ATP8A2: variants seen among roughly 807,000 people sequenced by gnomAD.
The protein encoded by ATP8A2 is ATPase phospholipid transporting 8A2.
Under a neutral mutation model 165.6 loss-of-function variants are expected in ATP8A2, and 100 were observed. The ratio of observed to expected loss-of-function variants is 0.60; its 90% CI spans 0.51 to 0.71. The LOEUF (loss-of-function observed/expected upper bound fraction) is 0.71, where lower values mean the gene tolerates loss of function less well. Among genes scored for constraint, ATP8A2 ranks in the 30% least tolerant of loss-of-function variants. The probability of loss-of-function intolerance (pLI) is 0.00; values close to 1 mark genes in which losing one functional copy is unlikely to be tolerated. For synonymous variants in ATP8A2, 543 were observed against 548.8 expected (o/e 0.99, Z 0.15); for missense variants, 1,227 against 1,479.5 (o/e 0.83, Z 2.80).
intron 27 of ATP8A2, among the ~76,000 whole-genome samples, chr13:25,822,347 C>T (rs1951203263): frequency 6.6e-6 from 1 of 151,964 alleles, no homozygotes; most frequent in South Asian, 2.1e-4. Flanking sequence ...AGAGTATGTC[C>T]CTACAGGTGG....
At chr13:25,897,781 C>T (rs571872585) in intron 33 of ATP8A2, among the ~76,000 whole-genome samples, 80 of 152,260 alleles carry the variant, frequency 5.3e-4, no homozygotes, top group South Asian at 1.7e-3. Context: ...TCATTTCATT[C>T]ATTTCATCTT....
intron 2 of ATP8A2, among the ~76,000 whole-genome samples, chr13:25,499,737 A>G (rs2036792094): frequency 1.3e-5 from 2 of 152,202 alleles, no homozygotes; most frequent in Admixed American, 1.3e-4. Context: ...TGGAGTACTT[A>G]CCTGAGCTGG....
chr13:25,779,284 T>C (rs1314838005), intron 27 of ATP8A2, among the ~76,000 whole-genome samples: 3 of 152,096 alleles, frequency 2.0e-5, no homozygotes, highest in Non-Finnish European at 4.4e-5. Context: ...TTAAATGCTA[T>C]GTTTCATGGT....
chr13:25,806,007 G>A (rs1950727315), intron 27 of ATP8A2, among the ~76,000 whole-genome samples: 2 of 152,160 alleles, frequency 1.3e-5, no homozygotes. Context: ...GGTCATAAGA[G>A]CAGGCTCCTG....
intron 17 of ATP8A2, 46 bp downstream of exon 17, chr13:25,570,918 A>T: frequency 4.3e-6 from 6 of 1,381,896 alleles, no homozygotes; most frequent in Non-Finnish European, 6.1e-6. Flanking sequence ...TTCTCAGGAC[A>T]CCTGGGTGTT....
intron 24 of ATP8A2, among the ~76,000 whole-genome samples, chr13:25,625,019 T>A (rs888732477): frequency 1.3e-5 from 2 of 152,204 alleles, no homozygotes; most frequent in African/African-American, 4.8e-5. Flanking sequence ...ATAGCAACAA[T>A]GGATTGTGCA....
In ATP8A2 at chr13:25,543,271, T is replaced by G; in HGVS notation, c.780-20T>G. ...TTTTCCAGACTATCATTAAATATCATTGTTGTTTTTTATTTTTAGCCTTGT... is the reference window on the plus strand; with the variant it reads ...TTTTCCAGACTATCATTAAATATCAGTGTTGTTTTTTATTTTTAGCCTTGT... On this transcript the variant is annotated intron_variant, in intron 9 of 36. Coordinates refer to ENST00000381655, the MANE Select transcript of ATP8A2 (RefSeq NM_016529.6). 7.0e-7 allele frequency: 1 copy of G among 1,430,062 alleles called. No individual in the cohort carries two copies. Among genetic ancestry groups the G allele is most frequent in the Non-Finnish European group, 9.8e-7 (1 of 1,017,756 alleles). 88.6% of individuals were successfully genotyped at this position (1,430,062 alleles called of 1,614,324 possible). A position where few individuals can be genotyped will look rare whatever the true frequency, so the allele number is the denominator to read the frequency against.
chr13:25,745,496 G>T (rs914655317), intron 25 of ATP8A2, among the ~76,000 whole-genome samples: 1 of 152,084 alleles, frequency 6.6e-6, no homozygotes, highest in South Asian at 2.1e-4. Context: ...CATTTGATTT[G>T]GCATCATTTT....
At chr13:25,620,738 T>A (rs2040946648) in intron 24 of ATP8A2, among the ~76,000 whole-genome samples, 1 of 152,164 alleles carries the variant, frequency 6.6e-6, no homozygotes, top group Non-Finnish European at 1.5e-5. Flanking sequence ...AATATGAAAT[T>A]AAGACAAAAT....
chr13:25,829,489 G>A (rs754958406), intron 28 of ATP8A2, among the ~76,000 whole-genome samples: 5 of 151,514 alleles, frequency 3.3e-5, no homozygotes, highest in African/African-American at 1.2e-4. Flanking sequence ...TTTTAAGTAG[G>A]TTAAAGCTAT....
chr13:25,887,945 C>T (rs1953211145), intron 33 of ATP8A2, among the ~76,000 whole-genome samples: 1 of 151,936 alleles, frequency 6.6e-6, no homozygotes, highest in Non-Finnish European at 1.5e-5. Context: ...AATGAATAAT[C>T]TAGAAATTCA....
At chr13:25,513,849 T>C (rs2037369323) in intron 2 of ATP8A2, among the ~76,000 whole-genome samples, 1 of 152,112 alleles carries the variant, frequency 6.6e-6, no homozygotes, top group Non-Finnish European at 1.5e-5. Flanking sequence ...CGCAGGCACT[T>C]GGCAGGCTGA....
chr13:25,609,968 T>C (rs561037413), intron 24 of ATP8A2, among the ~76,000 whole-genome samples: 1 of 152,226 alleles, frequency 6.6e-6, no homozygotes, highest in African/African-American at 2.4e-5. Flanking sequence ...TAGGATTGTT[T>C]TTTTATTGCT....
chr13:25,660,456 C>T (rs1346896905), intron 24 of ATP8A2, among the ~76,000 whole-genome samples: 1 of 152,128 alleles, frequency 6.6e-6, no homozygotes, highest in African/African-American at 2.4e-5. Context: ...AAATAGCTAG[C>T]AAGCAAGTTG....
chr13:25,747,368 G>C (rs756266816), intron 25 of ATP8A2, among the ~76,000 whole-genome samples: 2 of 152,176 alleles, frequency 1.3e-5, no homozygotes, highest in Non-Finnish European at 2.9e-5. Flanking sequence ...TTTCAGTGTC[G>C]CATTTCCAAA....
intron 10 of ATP8A2, among the ~76,000 whole-genome samples, chr13:25,550,946 C>T (rs185369672): frequency 3.5e-4 from 54 of 152,298 alleles, no homozygotes; most frequent in Admixed American, 3.2e-3. Context: ...TGAAGGTCTT[C>T]TCTAGATTTT....
At chr13:25,781,180 G>A (rs1014913445) in intron 27 of ATP8A2, among the ~76,000 whole-genome samples, 1 of 151,986 alleles carries the variant, frequency 6.6e-6, no homozygotes, top group Non-Finnish European at 1.5e-5. Flanking sequence ...GGAGAATGAC[G>A]TGAACCTGGG....
chr13:25,879,997 C>T (rs1475573986), intron 33 of ATP8A2, among the ~76,000 whole-genome samples: 1 of 152,060 alleles, frequency 6.6e-6, no homozygotes, highest in Admixed American at 6.5e-5. Flanking sequence ...ATAAGGCAGA[C>T]CTGAGCTTGA....
At chr13:25,853,088 G>C (rs968279577) in intron 30 of ATP8A2, among the ~76,000 whole-genome samples, 1 of 151,690 alleles carries the variant, frequency 6.6e-6, no homozygotes, top group South Asian at 2.1e-4. Context: ...GTTTATATAA[G>C]ATATTTTTTA....
Sources: allele counts gnomAD v4.1 joint callset (sites outside exome capture counted in the v4.1 genomes callset), GRCh38; gene constraint gnomAD v4.1.1; transcripts MANE v1.5; gene names NCBI Gene and HGNC (gene_info 2026-07-23, HGNC 2026-07-21).